The following PDE4D variants were observed in gnomAD, a reference collection of about 807,000 sequenced individuals.
PDE4D encodes the protein 3',5'-cyclic-AMP phosphodiesterase 4D.
Under a neutral mutation model 87.4 loss-of-function variants are expected in PDE4D, and 24 were observed. The observed-to-expected ratio is 0.27, with a 90% CI of 0.20 to 0.39. PDE4D has a LOEUF of 0.39. PDE4D is among the 10% of genes least tolerant of loss of function. The pLI is 1.00. For synonymous variants in PDE4D, 384 were observed against 383.2 expected, an observed-to-expected ratio of 1.00 and a Z score of -0.02; for missense variants, 714 against 1,041.0, an observed-to-expected ratio of 0.69 and a Z score of 4.32.
At chr5:60,470,581 T>A (rs1747737683) in intron 1 of PDE4D, among the ~76,000 whole-genome samples, 1 of 152,192 alleles carries the variant, frequency 6.6e-6, no homozygotes, top group African/African-American at 2.4e-5. Context: ...CTAACTCTCT[T>A]GTTAAGGACC....
At chr5:60,179,000 G>A (rs971750269) in intron 2 of PDE4D, among the ~76,000 whole-genome samples, 28 of 152,146 alleles carry the variant, frequency 1.8e-4, no homozygotes, top group Non-Finnish European at 2.8e-4. Context: ...GTTGAGGGCT[G>A]CAAGTACAGT....
At chr5:59,060,081 G>A (rs1162200271) in intron 5 of PDE4D, among the ~76,000 whole-genome samples, 1 of 152,158 alleles carries the variant, frequency 6.6e-6, no homozygotes, top group Non-Finnish European at 1.5e-5. Context: ...CTTCCCTTAA[G>A]AGAAATTTGT....
At chr5:60,455,238 A>T (rs557143534) in intron 1 of PDE4D, among the ~76,000 whole-genome samples, 37 of 152,304 alleles carry the variant, frequency 2.4e-4, no homozygotes, top group African/African-American at 8.7e-4. Context: ...GTCTGTAAAA[A>T]TTTGTGAGGG....
chr5:59,356,684 G>A (rs1362437670), intron 1 of PDE4D: 1 of 1,226,116 alleles, frequency 8.2e-7, no homozygotes, highest in Non-Finnish European at 1.1e-6. Flanking sequence ...GTCAACATAG[G>A]GCAAAGGCTT....
chr5:59,482,600 T>C (rs1253088687), intron 1 of PDE4D, among the ~76,000 whole-genome samples: 1 of 152,146 alleles, frequency 6.6e-6, no homozygotes, highest in Non-Finnish European at 1.5e-5. Flanking sequence ...CCTTGTTGTG[T>C]CTGAAATGGA....
At chr5:60,287,427 G>GT (rs1752517287) in intron 1 of PDE4D, among the ~76,000 whole-genome samples, 1 of 152,182 alleles carries the variant, frequency 6.6e-6, no homozygotes, top group South Asian at 2.1e-4. Context: ...TTGTAAGTAC[G>GT]TGTTTCCTCT....
intron 1 of PDE4D, among the ~76,000 whole-genome samples, chr5:59,455,162 GACA>G (rs1255239622): frequency 1.3e-5 from 2 of 152,230 alleles, no homozygotes; most frequent in Non-Finnish European, 2.9e-5. Context: ...TTAACCCCAA[GACA>G]ACGAGGAAAA....
intron 2 of PDE4D, among the ~76,000 whole-genome samples, chr5:60,129,097 C>A (rs2149394162): frequency 6.6e-6 from 1 of 152,280 alleles, no homozygotes; most frequent in East Asian, 1.9e-4. Context: ...AAATGTAGTT[C>A]TCTCAAATTG....
At chr5:60,015,910 CAG>C (rs1298107292) in intron 2 of PDE4D, among the ~76,000 whole-genome samples, 5 of 146,984 alleles carry the variant, frequency 3.4e-5, no homozygotes, top group African/African-American at 1.3e-4. Context: ...TTTTTTGAGA[CAG>C]AGTCTTACTC....
intron 2 of PDE4D, among the ~76,000 whole-genome samples, chr5:60,147,378 C>T (rs1428812279): frequency 1.3e-5 from 2 of 151,980 alleles, no homozygotes; most frequent in African/African-American, 4.8e-5. Context: ...GGTGAATGGG[C>T]CACGCTGCAT....
At chr5:59,466,733 G>GAA (rs1460769729) in intron 1 of PDE4D, among the ~76,000 whole-genome samples, 2 of 152,154 alleles carry the variant, frequency 1.3e-5, no homozygotes, top group East Asian at 3.9e-4. Context: ...AACTGTGAAT[G>GAA]AAGTAAACAA....
intron 2 of PDE4D, among the ~76,000 whole-genome samples, chr5:60,142,232 G>T (rs1780596114): frequency 6.6e-6 from 1 of 151,722 alleles, no homozygotes; most frequent in African/African-American, 2.4e-5. Context: ...GAGGGAGGGA[G>T]GGAGGGAAGA....
intron 3 of PDE4D, among the ~76,000 whole-genome samples, chr5:59,938,502 AT>A (rs1170344217): frequency 6.6e-6 from 1 of 152,228 alleles, no homozygotes; most frequent in Non-Finnish European, 1.5e-5. Context: ...CTAAAACCAT[AT>A]GCTGAACTGC....
At position 60,478,706 on chromosome 5, in the gene PDE4D, T is replaced by C. The variant is rs77928173; in HGVS notation, c.-90+9236A>G. ...GAGCTCTGCACTAAAGCATAAACTT[T>C]CACATTAGAGAAGTGAATAATAAAG... On this transcript the variant is annotated intron_variant, in intron 1 of 16. Coordinates refer to the PDE4D transcript ENST00000502484. Among the ~76,000 whole-genome samples, 409 of 152,288 alleles carry C rather than the reference T, an allele frequency of 2.7e-3. 2 individuals carry two copies. Among genetic ancestry groups the C allele is most frequent in the Non-Finnish European group, 4.5e-3 (304 of 68,022 alleles).
chr5:59,005,239 A>C (rs1398322449), intron 6 of PDE4D, among the ~76,000 whole-genome samples: 1 of 152,166 alleles, frequency 6.6e-6, no homozygotes, highest in Non-Finnish European at 1.5e-5. Flanking sequence ...GCTGAATGTG[A>C]GTGATGGTCC....
At chr5:60,467,551 T>C (rs1747456000) in intron 1 of PDE4D, among the ~76,000 whole-genome samples, 1 of 152,180 alleles carries the variant, frequency 6.6e-6, no homozygotes, top group Non-Finnish European at 1.5e-5. Flanking sequence ...CTAGTATTCT[T>C]AACCTTTCAC....
chr5:59,118,775 ACG>A (rs2153444318), intron 5 of PDE4D, among the ~76,000 whole-genome samples: 1 of 152,304 alleles, frequency 6.6e-6, no homozygotes, highest in Non-Finnish European at 1.5e-5. Context: ...CCAATGGCAG[ACG>A]CACCACAATT....
At chr5:60,423,129 G>A (rs114896090) in intron 1 of PDE4D, among the ~76,000 whole-genome samples, 3,247 of 152,216 alleles carry the variant, frequency 0.021, 114 homozygotes, top group African/African-American at 0.074. Flanking sequence ...ATATTAGACC[G>A]ATCAACCAGA....
At chr5:59,578,602 T>G (rs1823558632) in intron 1 of PDE4D, among the ~76,000 whole-genome samples, 1 of 152,150 alleles carries the variant, frequency 6.6e-6, no homozygotes, top group African/African-American at 2.4e-5. Context: ...TTCAATAACC[T>G]TTCCAATTCC....
Sources: gnomAD v4.1 joint callset for allele counts (sites outside exome capture counted in the v4.1 genomes callset) on GRCh38, gnomAD v4.1.1 for gene constraint, MANE v1.5 for transcripts, NCBI Gene and HGNC (gene_info 2026-07-23, HGNC 2026-07-21) for gene names.